Variants in ADAMTS3 observed in about 807,000 individuals in gnomAD.
ADAMTS3 encodes A disintegrin and metalloproteinase with thrombospondin motifs 3.
Under a neutral mutation model 129.0 loss-of-function variants are expected in ADAMTS3, and 73 were observed. That is an observed-to-expected ratio of 0.57 (90% CI 0.47 to 0.69). The LOEUF is 0.69. Ranked by LOEUF, ADAMTS3 falls within the 30% of genes least tolerant of loss-of-function variation. The probability of loss-of-function intolerance (pLI) is 0.00; values close to 1 mark genes in which losing one functional copy is unlikely to be tolerated. For missense variants in ADAMTS3, 1,457 were observed against 1,514.5 expected (o/e 0.96, Z 0.63); for synonymous variants, 477 against 510.8 (o/e 0.93, Z 0.89).
intron 3 of ADAMTS3, among the ~76,000 whole-genome samples, chr4:72,466,874 A>C (rs1282912059): frequency 1.3e-5 from 2 of 152,104 alleles, no homozygotes; most frequent in African/African-American, 4.8e-5. Flanking sequence ...AAGTTCTATC[A>C]GTTCCAGCTA....
chr4:72,300,123 A>T (rs542639796), intron 17 of ADAMTS3, among the ~76,000 whole-genome samples: 16 of 151,824 alleles, frequency 1.1e-4, no homozygotes, highest in African/African-American at 3.1e-4. Flanking sequence ...CTTTTTTTTT[A>T]AAACAGCATT....
At chr4:72,388,196 A>G (rs1232354010) in intron 4 of ADAMTS3, among the ~76,000 whole-genome samples, 1 of 152,214 alleles carries the variant, frequency 6.6e-6, no homozygotes, top group Admixed American at 6.5e-5. Context: ...ACCCCAGCCC[A>G]CTGATTATGC....
chr4:72,368,398 GA>G (rs1380718209), intron 4 of ADAMTS3, among the ~76,000 whole-genome samples: 1 of 152,014 alleles, frequency 6.6e-6, no homozygotes, highest in African/African-American at 2.4e-5. Flanking sequence ...AAGACTTGAG[GA>G]CAAGGAGTAC....
intron 2 of ADAMTS3, among the ~76,000 whole-genome samples, chr4:72,551,851 T>C (rs1329895074): frequency 1.3e-5 from 2 of 152,162 alleles, no homozygotes; most frequent in African/African-American, 4.8e-5. Context: ...AGATGGAGCA[T>C]CTTGCTGTCA....
chr4:72,363,595 T>A (rs1011683054), intron 4 of ADAMTS3, among the ~76,000 whole-genome samples: 3 of 152,304 alleles, frequency 2.0e-5, no homozygotes, highest in Admixed American at 2.0e-4. Context: ...TTGTTTGTTT[T>A]GTTTTCAAAG....
chr4:72,540,069 C>G (rs1194778736), intron 3 of ADAMTS3, among the ~76,000 whole-genome samples: 1 of 152,112 alleles, frequency 6.6e-6, no homozygotes, highest in Admixed American at 6.6e-5. Flanking sequence ...GTTTGAAGGG[C>G]TCAGAAGACA....
chr4:72,479,519 C>T (rs1162874920), intron 3 of ADAMTS3, among the ~76,000 whole-genome samples: 2 of 152,112 alleles, frequency 1.3e-5, no homozygotes, highest in Admixed American at 6.5e-5. Context: ...GGATCCTTTC[C>T]TTACACCTTA....
intron 3 of ADAMTS3, among the ~76,000 whole-genome samples, chr4:72,484,646 T>C (rs1196594248): frequency 6.6e-6 from 1 of 152,184 alleles, no homozygotes; most frequent in African/African-American, 2.4e-5. Flanking sequence ...AAATCTGCAG[T>C]GCTCTCATTT....
chr4:72,425,036 T>A (rs987550988), intron 3 of ADAMTS3, among the ~76,000 whole-genome samples: 3 of 152,158 alleles, frequency 2.0e-5, no homozygotes, highest in African/African-American at 7.2e-5. Flanking sequence ...TATTTCAAGC[T>A]AAAGCTACAA....
rs941491203 is a variant in ADAMTS3, at chr4:72,509,580, T to C, written c.504+38898A>G. Among the ~76,000 whole-genome samples, 3 of 151,786 alleles carry C rather than the reference T, an allele frequency of 2.0e-5. No homozygotes were observed. In the East Asian group the frequency reaches 5.8e-4, roughly 29 times the overall value. On this transcript the variant is annotated intron_variant, in intron 3 of 21. Transcript: ENST00000286657. ...GATTGAACCACGAAGAAATCCAAAA[T>C]CTGAACAAACCAATAACAAGTAACA...
At chr4:72,332,906 C>T (rs950379663) in intron 5 of ADAMTS3, among the ~76,000 whole-genome samples, 7 of 152,170 alleles carry the variant, frequency 4.6e-5, no homozygotes, top group Non-Finnish European at 1.0e-4. Flanking sequence ...AGAGTTTTAT[C>T]TAGCAAGAGA....
At chr4:72,478,809 A>C (rs1241364908) in intron 3 of ADAMTS3, among the ~76,000 whole-genome samples, 2 of 152,024 alleles carry the variant, frequency 1.3e-5, no homozygotes, top group East Asian at 1.9e-4. Context: ...GTCTCAGCCC[A>C]AAATCTCCTT....
chr4:72,463,436 A>G (rs1718826770), intron 3 of ADAMTS3, among the ~76,000 whole-genome samples: 1 of 152,024 alleles, frequency 6.6e-6, no homozygotes, highest in Admixed American at 6.6e-5. Context: ...GCAAAGCAGA[A>G]GCATACATTG....
intron 3 of ADAMTS3, among the ~76,000 whole-genome samples, chr4:72,518,603 G>A (rs1033637542): frequency 2.2e-4 from 33 of 151,954 alleles, no homozygotes; most frequent in African/African-American, 7.5e-4. Flanking sequence ...AGCCTTCTTT[G>A]TCTCTTTTGA....
rs1721017079 is a variant in ADAMTS3 at position 72,371,841 on chromosome 4, C to T, written c.662-32148G>A. 2.0e-5 allele frequency among the ~76,000 whole-genome samples: 3 copies of T among 151,402 alleles called. No individual in the cohort carries two copies. In the South Asian group the frequency reaches 6.2e-4, roughly 31 times the overall value. Reference sequence around the variant, plus strand: ...ACATTATTTTCATGTGATCATAGAACATTGGTTTATTGCTGGATAATAACA... The same window carrying T: ...ACATTATTTTCATGTGATCATAGAATATTGGTTTATTGCTGGATAATAACA... On this transcript the variant is annotated intron_variant, in intron 4 of 21. Coordinates refer to ENST00000286657, the MANE Select transcript of ADAMTS3 (RefSeq NM_014243.3).
chr4:72,346,494 T>C (rs1720288901), intron 4 of ADAMTS3, among the ~76,000 whole-genome samples: 1 of 152,170 alleles, frequency 6.6e-6, no homozygotes, highest in Non-Finnish European at 1.5e-5. Flanking sequence ...TAGTCCTTCA[T>C]TTCCATAGTA....
intron 3 of ADAMTS3, among the ~76,000 whole-genome samples, chr4:72,507,541 C>A (rs1720195285): frequency 6.6e-6 from 1 of 152,144 alleles, no homozygotes; most frequent in African/African-American, 2.4e-5. Context: ...CTGTTAATTA[C>A]CTAATATGTT....
At chr4:72,344,781 G>A (rs552326053) in intron 4 of ADAMTS3, among the ~76,000 whole-genome samples, 4 of 152,178 alleles carry the variant, frequency 2.6e-5, no homozygotes, top group Admixed American at 2.0e-4. Context: ...TAGGATAAAG[G>A]GACATGCTGA....
intron 3 of ADAMTS3, among the ~76,000 whole-genome samples, chr4:72,435,605 T>C (rs1447336777): frequency 6.6e-6 from 1 of 151,890 alleles, no homozygotes; most frequent in Non-Finnish European, 1.5e-5. Context: ...TTTAATTGAC[T>C]GTCGACTGAT....
Sources: gnomAD v4.1 joint callset for allele counts (sites outside exome capture counted in the v4.1 genomes callset) on GRCh38, gnomAD v4.1.1 for gene constraint, MANE v1.5 for transcripts, NCBI Gene and HGNC (gene_info 2026-07-23, HGNC 2026-07-21) for gene names.